The following FABP12 variants were observed in gnomAD, a reference collection of about 807,000 sequenced individuals.
FABP12 encodes fatty acid binding protein 12.
FABP12 carries 19 observed loss-of-function variants against 13.7 expected under a neutral mutation model. The observed-to-expected ratio is 1.39, with a 90% CI of 0.97 to 2.04. The LOEUF (loss-of-function observed/expected upper bound fraction) is 2.04, where lower values mean the gene tolerates loss of function less well. Among genes scored for constraint, FABP12 ranks in the 30% most tolerant of loss-of-function variants. The probability of loss-of-function intolerance (pLI) is 0.00; values close to 1 mark genes in which losing one functional copy is unlikely to be tolerated. For synonymous variants in FABP12, 61 were observed against 57.0 expected (o/e 1.07, Z -0.32); for missense variants, 182 against 164.2 (o/e 1.11, Z -0.59).
At chr8:81,580,987 T>C (rs866319223) in intron 1 of FABP12, among the ~76,000 whole-genome samples, 20 of 152,318 alleles carry the variant, frequency 1.3e-4, no homozygotes, top group Middle Eastern at 3.4e-3. Flanking sequence ...ATCCTAGAGG[T>C]TCTCTTACTC....
At chr8:81,557,478 C>T (rs549792668) in intron 1 of FABP12, among the ~76,000 whole-genome samples, 153 of 152,200 alleles carry the variant, frequency 1.0e-3, no homozygotes, top group African/African-American at 3.6e-3. Context: ...GAATGTGGGT[C>T]AAATTTTCGA....
intron 3 of FABP12, among the ~76,000 whole-genome samples, chr8:81,528,072 T>A (rs527818462): frequency 6.6e-6 from 1 of 152,238 alleles, no homozygotes; most frequent in Non-Finnish European, 1.5e-5. Flanking sequence ...ATTTTCCAGT[T>A]TTTTTTGTTG....
At chr8:81,556,928 A>G (rs1002419877) in intron 1 of FABP12, among the ~76,000 whole-genome samples, 3 of 132,548 alleles carry the variant, frequency 2.3e-5, no homozygotes, top group Admixed American at 8.7e-5. Flanking sequence ...TCTGTCACCC[A>G]GGATGGAGTG....
intron 1 of FABP12, among the ~76,000 whole-genome samples, chr8:81,533,461 C>T (rs1809136919): frequency 1.3e-5 from 2 of 152,174 alleles, no homozygotes; most frequent in South Asian, 4.1e-4. Flanking sequence ...AGACGATTCG[C>T]TTCCACCCAT....
chr8:81,528,269 G>A (rs1808961171), intron 3 of FABP12, among the ~76,000 whole-genome samples: 1 of 152,022 alleles, frequency 6.6e-6, no homozygotes, highest in African/African-American at 2.4e-5. Flanking sequence ...TGTAGAGGCG[G>A]GATCCTGCTA....
intron 1 of FABP12, among the ~76,000 whole-genome samples, chr8:81,588,224 A>G (rs2130116608): frequency 6.6e-6 from 1 of 152,286 alleles, no homozygotes; most frequent in African/African-American, 2.4e-5. Context: ...TCAAATTGAC[A>G]CTCAATATTA....
At chr8:81,532,565 G>A (rs1406982001) in intron 1 of FABP12, among the ~76,000 whole-genome samples, 1 of 152,214 alleles carries the variant, frequency 6.6e-6, no homozygotes, top group Admixed American at 6.5e-5. Flanking sequence ...GTTCTTGCCT[G>A]TAATCCCAGC....
At chr8:81,546,436 G>A (rs1337450020) in intron 1 of FABP12, among the ~76,000 whole-genome samples, 3 of 151,496 alleles carry the variant, frequency 2.0e-5, no homozygotes, top group Non-Finnish European at 2.9e-5. Flanking sequence ...GGTGGATCAC[G>A]AGGTCAGGAG....
At chr8:81,578,486 TC>T (rs1428049533) in intron 1 of FABP12, among the ~76,000 whole-genome samples, 1 of 150,376 alleles carries the variant, frequency 6.6e-6, no homozygotes, top group Non-Finnish European at 1.5e-5. Context: ...AATTTTCTTT[TC>T]TTTTTTTTTT....
intron 1 of FABP12, among the ~76,000 whole-genome samples, chr8:81,561,131 A>T (rs1809717307): frequency 2.6e-5 from 4 of 152,186 alleles, no homozygotes; most frequent in Admixed American, 2.6e-4. Context: ...TTCCTAGTCT[A>T]GTCTATTTTT....
At chr8:81,557,288 C>A (rs576104091) in intron 1 of FABP12, among the ~76,000 whole-genome samples, 41 of 152,296 alleles carry the variant, frequency 2.7e-4, no homozygotes, top group Middle Eastern at 3.4e-3. Flanking sequence ...ACTTATAAAA[C>A]ACAATTATGC....
At chr8:81,565,779 G>A (rs563472388) in intron 1 of FABP12, among the ~76,000 whole-genome samples, 2 of 151,780 alleles carry the variant, frequency 1.3e-5, no homozygotes, top group East Asian at 3.9e-4. Context: ...AGAAAATAAA[G>A]AGCAAACCAA....
At chr8:81,541,476 C>T (rs952874493) in intron 1 of FABP12, among the ~76,000 whole-genome samples, 2 of 150,228 alleles carry the variant, frequency 1.3e-5, no homozygotes, top group African/African-American at 2.4e-5. Context: ...GAGACCCCCA[C>T]GCTCAATTTG....
intron 1 of FABP12, among the ~76,000 whole-genome samples, chr8:81,579,900 GA>G (rs1005235367): frequency 1.3e-5 from 2 of 151,588 alleles, no homozygotes; most frequent in African/African-American, 4.8e-5. Flanking sequence ...TTTACCTAAT[GA>G]AAAAAAAGTA....
intron 1 of FABP12, among the ~76,000 whole-genome samples, chr8:81,558,019 G>T (rs920663822): frequency 4.6e-5 from 7 of 152,184 alleles, no homozygotes; most frequent in Non-Finnish European, 5.9e-5. Flanking sequence ...GGCCAGCTGG[G>T]GAAGAGGCCA....
chr8:81,561,489 AC>A (rs1314308719), intron 1 of FABP12, among the ~76,000 whole-genome samples: 3 of 152,204 alleles, frequency 2.0e-5, no homozygotes, highest in African/African-American at 7.2e-5. Context: ...AACTATCCAC[AC>A]ATAAATCACC....
intron 1 of FABP12, among the ~76,000 whole-genome samples, chr8:81,571,626 G>C (rs1403711303): frequency 6.6e-6 from 1 of 152,220 alleles, no homozygotes; most frequent in Non-Finnish European, 1.5e-5. Flanking sequence ...TGGAGACTAA[G>C]TCACATGGCT....
At chr8:81,583,415 A>G (rs1810196537) in intron 1 of FABP12, among the ~76,000 whole-genome samples, 1 of 152,158 alleles carries the variant, frequency 6.6e-6, no homozygotes, top group Non-Finnish European at 1.5e-5. Context: ...TTGTTCATTT[A>G]AAAAGATAAA....
chr8:81,576,398 C>T (rs1390884230), intron 1 of FABP12, among the ~76,000 whole-genome samples: 1 of 152,036 alleles, frequency 6.6e-6, no homozygotes, highest in African/African-American at 2.4e-5. Context: ...AAGGTCTTCT[C>T]CCACTCTAGT....
Sources: allele counts gnomAD v4.1 joint callset (sites outside exome capture counted in the v4.1 genomes callset), GRCh38; gene constraint gnomAD v4.1.1; transcripts MANE v1.5; gene names NCBI Gene and HGNC (gene_info 2026-07-23, HGNC 2026-07-21).